The following CENPM variants were observed in gnomAD, a reference collection of about 807,000 sequenced individuals.
CENPM encodes interphase centromere complex protein 39.
Under a neutral mutation model 19.6 loss-of-function variants are expected in CENPM, and 14 were observed. That is an observed-to-expected ratio of 0.71 (90% CI 0.47 to 1.11). CENPM has a LOEUF of 1.11. CENPM is among the 50% of genes most tolerant of loss of function. CENPM has a pLI of 0.00. For missense variants in CENPM, 239 were observed against 228.4 expected (o/e 1.05, Z -0.30); for synonymous variants, 114 against 101.5 (o/e 1.12, Z -0.74).
chr22:41,940,000 G>A, intron 5 of CENPM: 1 of 608,486 alleles, frequency 1.6e-6, no homozygotes. Flanking sequence ...ACCCAAGTCA[G>A]GCCACATCCC....
In CENPM at chr22:41,946,733, C is replaced by G. The variant is rs553179550; in HGVS notation, c.58-237G>C. 4.5e-4 allele frequency: 269 copies of G among 596,812 alleles called. No homozygotes were observed. In the African/African-American group the frequency reaches 4.5e-3, roughly 10 times the overall value. The allele number at this position is 596,812 out of a possible 1,614,324, so 37.0% of individuals were successfully genotyped here. On this transcript the variant is annotated intron_variant, in intron 1 of 5. Coordinates refer to ENST00000215980, the MANE Select transcript of CENPM (RefSeq NM_024053.5). ...CCCGACCCTCGCTCCCACCGCCGGCCTCTCCAGGAGGCCAGACCCCCAGAC... is the reference window on the plus strand; with the variant it reads ...CCCGACCCTCGCTCCCACCGCCGGCGTCTCCAGGAGGCCAGACCCCCAGAC...
At position 41,939,024 on chromosome 22, in the gene CENPM, A is replaced by G. The variant is rs1458394221; in HGVS notation, c.*32T>C. 4 of 1,610,614 alleles carry G rather than the reference A, an allele frequency of 2.5e-6. No individual in the cohort carries two copies. Among genetic ancestry groups the G allele is most frequent in the Non-Finnish European group, 3.4e-6 (4 of 1,178,778 alleles). On this transcript the variant is annotated 3_prime_UTR_variant, in exon 6 of 6. Coordinates refer to ENST00000215980, the MANE Select transcript of CENPM (RefSeq NM_024053.5). ...ATGTTTATGGAGTCAGCACGAAGCCATGAGAAGGGGCAGCCCAGGGGCCAG... is the reference window on the plus strand; with the variant it reads ...ATGTTTATGGAGTCAGCACGAAGCCGTGAGAAGGGGCAGCCCAGGGGCCAG...
chr22:41,936,820 C>T (rs571975230), downstream of CENPM, among the ~76,000 whole-genome samples: 12 of 152,150 alleles, frequency 7.9e-5, no homozygotes, highest in African/African-American at 2.9e-4. Flanking sequence ...CTCAGCTGCT[C>T]GGGAGGCTGA....
In CENPM at chr22:41,943,630, G is replaced by A; in HGVS notation, c.382C>T (p.Leu128=). The change falls in exon 5 of 6, where the codon CTG becomes TTG. Residue 128 remains leucine (L), a synonymous_variant. Coordinates refer to ENST00000215980, the MANE Select transcript of CENPM (RefSeq NM_024053.5). ...CTCACCTCCAGGTCACAGTAGAGCA[G>A]GGGGCTTTGATAGGTGTGGGCCAGC... is the stretch of plus-strand genomic sequence containing the variant. ...VKLAHTYQSP[L]LYCDLEVEGF... 4 of 1,613,804 alleles carry A rather than the reference G, an allele frequency of 2.5e-6. No individual in the cohort carries two copies. The highest frequency in any genetic ancestry group is 3.4e-6 in the Non-Finnish European group (4 of 1,179,824).
At chr22:41,939,854 AAG>A (rs1288895910) in intron 5 of CENPM, among the ~76,000 whole-genome samples, 25 of 63,960 alleles carry the variant, frequency 3.9e-4, no homozygotes, top group Non-Finnish European at 5.2e-4. Context: ...GAAAGAAAGA[AAG>A]AAAGAAAGAA....
At chr22:41,943,386 C>T (rs2077760284) in intron 5 of CENPM, among the ~76,000 whole-genome samples, 1 of 152,206 alleles carries the variant, frequency 6.6e-6, no homozygotes, top group African/African-American at 2.4e-5. Flanking sequence ...ACATCATCCT[C>T]ACTTCACACC....
At chr22:41,942,232 C>T (rs2077747413) in intron 5 of CENPM, among the ~76,000 whole-genome samples, 1 of 152,228 alleles carries the variant, frequency 6.6e-6, no homozygotes. Flanking sequence ...GGCCCTGGGA[C>T]CCCTCAGTAG....
chr22:41,931,166 T>C, the CENPM span, among the ~76,000 whole-genome samples: 3 of 150,722 alleles, frequency 2.0e-5, no homozygotes, highest in African/African-American at 7.3e-5. Flanking sequence ...CACTGAATAC[T>C]CTTTTTAAAA....
chr22:41,933,193 G>A, the CENPM span, among the ~76,000 whole-genome samples: 1 of 152,254 alleles, frequency 6.6e-6, no homozygotes, highest in Non-Finnish European at 1.5e-5. Flanking sequence ...CTCCCTACCC[G>A]GCCGTCTCCT....
intron 5 of CENPM, among the ~76,000 whole-genome samples, chr22:41,939,781 A>AGAAAAAAAAG (rs1268203663): frequency 0.016 from 1,875 of 117,078 alleles, 64 homozygotes; most frequent in Non-Finnish European, 0.023. Flanking sequence ...GTCTCAAAAA[A>AGAAAAAAAAG]GAAAGAAAAA....
chr22:41,946,557 T>C, intron 1 of CENPM, 61 bp from the exon 2 acceptor site: 2 of 1,448,340 alleles, frequency 1.4e-6, no homozygotes, highest in East Asian at 2.3e-5. Flanking sequence ...GGGGAGGGCC[T>C]GGCCCTTCGA....
intron 5 of CENPM, among the ~76,000 whole-genome samples, chr22:41,942,903 C>A (rs1345362711): frequency 6.6e-6 from 1 of 152,074 alleles, no homozygotes; most frequent in East Asian, 1.9e-4. Flanking sequence ...CCACTGCAAT[C>A]CAGCCTGGGC....
intron 5 of CENPM, among the ~76,000 whole-genome samples, chr22:41,940,400 T>C (rs1202821524): frequency 6.6e-6 from 1 of 152,180 alleles, no homozygotes; most frequent in Non-Finnish European, 1.5e-5. Context: ...TTTTGTTTTG[T>C]TTTGAGACAG....
At chr22:41,942,797 C>T (rs1395377180) in intron 5 of CENPM, among the ~76,000 whole-genome samples, 7 of 151,142 alleles carry the variant, frequency 4.6e-5, no homozygotes, top group Non-Finnish European at 7.4e-5. Flanking sequence ...TAGCTAGGTG[C>T]GGTGGTGCAT....
At chr22:41,943,902 C>G (rs1250283434) in intron 4 of CENPM, among the ~76,000 whole-genome samples, 1 of 152,172 alleles carries the variant, frequency 6.6e-6, no homozygotes, top group Non-Finnish European at 1.5e-5. Context: ...AGCTCCTACC[C>G]CACTGAGTCA....
chr22:41,944,168 G>T (rs1305761349), intron 4 of CENPM: 18 of 984,986 alleles, frequency 1.8e-5, no homozygotes, highest in African/African-American at 3.5e-5. Context: ...GGACGGCCGG[G>T]TGCGGTGGCT....
intron 5 of CENPM, 136 bp from the exon 6 acceptor site, chr22:41,939,332 G>T: frequency 9.8e-7 from 1 of 1,021,978 alleles, no homozygotes; most frequent in Non-Finnish European, 1.4e-6. Flanking sequence ...GCCCACCACA[G>T]CCACGCCCTC....
downstream of CENPM, among the ~76,000 whole-genome samples, chr22:41,934,465 C>T (rs2077675938): frequency 6.6e-6 from 1 of 152,316 alleles, no homozygotes; most frequent in Non-Finnish European, 1.5e-5. Context: ...GAAGAGGCGC[C>T]GCTTCCAGTA....
At chr22:41,933,982 G>A (rs1183434913), downstream of CENPM, among the ~76,000 whole-genome samples, 3 of 152,226 alleles carry the variant, frequency 2.0e-5, no homozygotes, top group African/African-American at 7.2e-5. Flanking sequence ...TTCTCTCCAA[G>A]CCTCACAAGA....
Sources: gnomAD v4.1 joint callset for allele counts (sites outside exome capture counted in the v4.1 genomes callset) on GRCh38, gnomAD v4.1.1 for gene constraint, MANE v1.5 for transcripts, NCBI Gene and HGNC (gene_info 2026-07-23, HGNC 2026-07-21) for gene names.